TANC2: variants seen among roughly 807,000 people sequenced by gnomAD.
The protein encoded by TANC2 is protein TANC2.
TANC2 carries 26 observed loss-of-function variants against 210.5 expected under a neutral mutation model. The ratio of observed to expected loss-of-function variants is 0.12; its 90% confidence interval spans 0.09 to 0.17. The LOEUF (loss-of-function observed/expected upper bound fraction) is 0.17. Ranked by LOEUF, TANC2 falls within the 10% of genes least tolerant of loss-of-function variation. The probability of loss-of-function intolerance (pLI) is 1.00; values close to 1 mark genes in which losing one functional copy is unlikely to be tolerated. For synonymous variants in TANC2, 931 were observed against 967.1 expected (o/e 0.96, Z 0.69); for missense variants, 2,129 against 2,608.9 (o/e 0.82, Z 4.01).
intron 7 of TANC2, among the ~76,000 whole-genome samples, chr17:63,215,460 C>G (rs2042000105): frequency 6.6e-6 from 1 of 152,128 alleles, no homozygotes; most frequent in African/African-American, 2.4e-5. Context: ...AGGGAATGGT[C>G]ACCAGAAAGA....
At chr17:63,095,285 C>T (rs1175814538) in intron 3 of TANC2, among the ~76,000 whole-genome samples, 1 of 152,154 alleles carries the variant, frequency 6.6e-6, no homozygotes, top group Non-Finnish European at 1.5e-5. Flanking sequence ...AATTGATCCT[C>T]CTACTTCAGC....
intron 6 of TANC2, among the ~76,000 whole-genome samples, chr17:63,197,978 T>TA (rs1251838989): frequency 1.3e-5 from 2 of 152,208 alleles, no homozygotes; most frequent in Non-Finnish European, 1.5e-5. Context: ...CGTTTACAGT[T>TA]AAAGCTTTTA....
intron 12 of TANC2, among the ~76,000 whole-genome samples, chr17:63,350,310 C>G (rs2046558611): frequency 6.6e-6 from 1 of 152,180 alleles, no homozygotes; most frequent in Non-Finnish European, 1.5e-5. Context: ...CTTCCCTCTG[C>G]TTTCCCCCTT....
intron 21 of TANC2, among the ~76,000 whole-genome samples, chr17:63,407,182 A>G (rs760743115): frequency 9.2e-5 from 14 of 152,224 alleles, no homozygotes; most frequent in Admixed American, 3.3e-4. Context: ...CTTTAGCTGT[A>G]TCCCTTAAGT....
At chr17:63,179,899 C>G (rs907407013) in intron 5 of TANC2, among the ~76,000 whole-genome samples, 1 of 151,208 alleles carries the variant, frequency 6.6e-6, no homozygotes, top group Non-Finnish European at 1.5e-5. Context: ...ATAATCTCAG[C>G]TCTTTGGGAG....
intron 4 of TANC2, among the ~76,000 whole-genome samples, chr17:63,140,807 C>T: frequency 6.6e-6 from 1 of 152,118 alleles, no homozygotes; most frequent in East Asian, 1.9e-4. Flanking sequence ...TGTGTAGAGG[C>T]ACCATCTTGG....
chr17:63,121,077 C>A (rs2038457276), intron 4 of TANC2, among the ~76,000 whole-genome samples: 1 of 151,952 alleles, frequency 6.6e-6, no homozygotes, highest in African/African-American at 2.4e-5. Context: ...ATAAATACCT[C>A]ATTTCTGTTA....
chr17:63,088,692 G>A (rs2037066993), intron 3 of TANC2: 1 of 152,200 alleles, frequency 6.6e-6, no homozygotes, highest in African/African-American at 2.4e-5. Context: ...AGCAAGAGCT[G>A]TTTTTGAAGA....
At chr17:63,289,590 T>G (rs553362548) in intron 9 of TANC2, among the ~76,000 whole-genome samples, 6 of 152,346 alleles carry the variant, frequency 3.9e-5, no homozygotes, top group Admixed American at 2.0e-4. Flanking sequence ...TTACCCACTA[T>G]TGTTGCATGC....
intron 8 of TANC2, among the ~76,000 whole-genome samples, chr17:63,242,680 AT>A (rs2042807998): frequency 6.6e-6 from 1 of 152,176 alleles, no homozygotes; most frequent in Admixed American, 6.5e-5. Context: ...GTTCTTAAAA[AT>A]ATATACATAA....
intron 9 of TANC2, among the ~76,000 whole-genome samples, chr17:63,272,857 TG>T (rs1293310453): frequency 6.6e-6 from 1 of 152,176 alleles, no homozygotes; most frequent in Non-Finnish European, 1.5e-5. Context: ...ATCCTCTGGA[TG>T]TATGTCCAAA....
intron 1 of TANC2, among the ~76,000 whole-genome samples, chr17:62,998,169 C>G (rs544899541): frequency 3.9e-5 from 6 of 152,094 alleles, no homozygotes; most frequent in Non-Finnish European, 8.8e-5. Flanking sequence ...AGGAATGAAT[C>G]TCAGAGCTAG....
At chr17:62,990,662 A>G (rs1054622210) in intron 1 of TANC2, among the ~76,000 whole-genome samples, 2 of 152,194 alleles carry the variant, frequency 1.3e-5, no homozygotes, top group African/African-American at 4.8e-5. Flanking sequence ...TTCAAAATAT[A>G]GAAGTCAAAA....
At chr17:63,165,829 G>T (rs1397872125) in intron 5 of TANC2, among the ~76,000 whole-genome samples, 1 of 152,166 alleles carries the variant, frequency 6.6e-6, no homozygotes, top group African/African-American at 2.4e-5. Context: ...TAACACTGCA[G>T]AAGTAGTGGA....
chr17:63,207,211 C>CTTTTTT (rs948663767), intron 7 of TANC2, among the ~76,000 whole-genome samples: 12 of 113,800 alleles, frequency 1.1e-4, no homozygotes, highest in East Asian at 2.3e-4. Flanking sequence ...TTTTTTTTTC[C>CTTTTTT]TTTTTTTTTT....
chr17:63,156,863 T>A (rs1396178109), intron 5 of TANC2, among the ~76,000 whole-genome samples: 1 of 152,100 alleles, frequency 6.6e-6, no homozygotes, highest in African/African-American at 2.4e-5. Context: ...CTGTTTAATT[T>A]TTATTTTTGT....
intron 5 of TANC2, among the ~76,000 whole-genome samples, chr17:63,177,807 G>A (rs1291323758): frequency 1.3e-5 from 2 of 152,158 alleles, no homozygotes; most frequent in African/African-American, 2.4e-5. Flanking sequence ...AACTGTACAG[G>A]CACATTTCAA....
intron 4 of TANC2, among the ~76,000 whole-genome samples, chr17:63,142,087 A>G (rs1201355634): frequency 1.3e-5 from 2 of 152,298 alleles, no homozygotes; most frequent in Non-Finnish European, 2.9e-5. Context: ...GTCTAGCCAC[A>G]TATATCTGAA....
At chr17:63,097,651 T>C (rs2037439220) in intron 3 of TANC2, among the ~76,000 whole-genome samples, 1 of 152,132 alleles carries the variant, frequency 6.6e-6, no homozygotes. Flanking sequence ...GCTGTCCTTG[T>C]CCGCATGCAG....
Sources: allele counts gnomAD v4.1 joint callset (sites outside exome capture counted in the v4.1 genomes callset), GRCh38; gene constraint gnomAD v4.1.1; transcripts MANE v1.5; gene names NCBI Gene and HGNC (gene_info 2026-07-23, HGNC 2026-07-21).